Variants in SI observed in about 807,000 individuals in gnomAD.
SI encodes sucrase-isomaltase, intestinal.
SI carries 235 observed loss-of-function variants against 253.3 expected under a neutral mutation model. The observed-to-expected ratio is 0.93, with a 90% CI of 0.83 to 1.03. The LOEUF (loss-of-function observed/expected upper bound fraction) is 1.03. Ranked by LOEUF, SI falls within the 50% of genes least tolerant of loss-of-function variation. The pLI, the probability that SI is intolerant of heterozygous loss-of-function variation, is 0.00. For synonymous variants in SI, 819 were observed against 712.0 expected (o/e 1.15, Z -2.39); for missense variants, 2,442 against 2,211.1 (o/e 1.10, Z -2.09).
rs570349366 is a variant in SI, at chr3:165,001,740, G to A, written c.4407-3067C>T. Reference sequence around the variant, plus strand: ...ATAGAAAGTTACAGCTATAACTAAAGTAACTTCTAAATTAGTGAATGAGGT... The same window carrying A: ...ATAGAAAGTTACAGCTATAACTAAAATAACTTCTAAATTAGTGAATGAGGT... On this transcript the variant is annotated intron_variant, in intron 37 of 47. Transcript: ENST00000264382. 4.6e-4 allele frequency among the ~76,000 whole-genome samples: 70 copies of A among 151,372 alleles called. 1 individual carries two copies. The South Asian group carries it at 4.8e-3, about 10-fold the overall frequency.
At chr3:165,039,766 G>A (rs961665622) in intron 19 of SI, 121 bp downstream of exon 19, 3 of 754,618 alleles carry the variant, frequency 4.0e-6, no homozygotes, top group South Asian at 3.0e-5. Context: ...ATTCCAACTT[G>A]ATGTTTATCA....
rs762319587 is a variant in SI, at chr3:165,046,940, T to C, written c.1788A>G (p.Arg596=). The C allele has an allele frequency of 5.6e-6, 9 of 1,612,738 alleles. No homozygotes were observed. Among genetic ancestry groups the C allele is most frequent in the Non-Finnish European group, 7.6e-6 (9 of 1,179,276 alleles). ...TGTCTCCTAACCAATGCGCAGCATG[T>C]CTTCCAGATCCAGCAAATGTTGAGC... ...LTRSTFAGSG[R]HAAHWLGDNT... is the part of the protein sequence containing the mutation. The change falls in exon 16 of 48, where the codon AGA becomes AGG. Residue 596 remains arginine, a synonymous_variant. Coordinates refer to ENST00000264382, the MANE Select transcript of SI (RefSeq NM_001041.4).
chr3:164,986,232 T>C (rs1291864130), intron 45 of SI, among the ~76,000 whole-genome samples: 2 of 152,188 alleles, frequency 1.3e-5, no homozygotes, highest in East Asian at 3.9e-4. Context: ...CCTGCCCTCC[T>C]GTCTCTTGCT....
At chr3:165,074,367 C>T (rs1714802672) in intron 3 of SI, 164 bp downstream of exon 3, 2 of 395,550 alleles carry the variant, frequency 5.1e-6, no homozygotes, top group East Asian at 4.2e-5. Context: ...AGGTCAGTAA[C>T]TTCTATTATC....
chr3:164,989,385 A>G (rs866356392), intron 44 of SI, among the ~76,000 whole-genome samples: 4 of 77,146 alleles, frequency 5.2e-5, no homozygotes, highest in Non-Finnish European at 1.1e-4. Flanking sequence ...AGAAAGAAAG[A>G]AAGGAAGAAA....
At chr3:165,039,278 G>A (rs1712695873) in intron 19 of SI, 144 bp from the exon 20 acceptor site, 2 of 608,434 alleles carry the variant, frequency 3.3e-6, no homozygotes, top group South Asian at 2.2e-5. Flanking sequence ...TAATCAAAGG[G>A]CTATTTTATT....
At chr3:165,080,260 CT>C (rs1715260359), upstream of SI, among the ~76,000 whole-genome samples, 1 of 151,774 alleles carries the variant, frequency 6.6e-6, no homozygotes, top group South Asian at 2.1e-4. Flanking sequence ...TTATTTCTTC[CT>C]TTAGAAGTGA....
intron 45 of SI, 27 bp from the exon 46 acceptor site, chr3:164,983,078 A>G: frequency 6.5e-7 from 1 of 1,532,718 alleles, no homozygotes; most frequent in South Asian, 1.1e-5. Context: ...AAAATGTGAT[A>G]TATTGTTATT....
chr3:164,997,541 G>A (rs988067893), intron 38 of SI, among the ~76,000 whole-genome samples: 3 of 150,918 alleles, frequency 2.0e-5, no homozygotes, highest in Non-Finnish European at 1.5e-5. Context: ...TATTATTTAG[G>A]TAACTTGCTT....
In SI at chr3:165,046,994, A is replaced by G. The variant is rs757144829; in HGVS notation, c.1734T>C (p.Phe578=). 1 of 1,608,302 alleles carries G rather than the reference A, an allele frequency of 6.2e-7. No homozygotes were observed. Among genetic ancestry groups the G allele is most frequent in the South Asian group, 1.1e-5 (1 of 89,812 alleles). ...IATEQAVQKV[F]PNKRSFILTR... is the part of the protein sequence containing the mutation. ...TAAGAATGAAGCTTCTCTTATTAGG[A>G]AAAACTTTTTGTACAGCTCTAAAAA... Residue 578 remains phenylalanine, a synonymous_variant, in exon 16 of 48, where the codon TTT becomes TTC. Transcript: ENST00000264382.
chr3:165,038,251 A>C (rs897457870), intron 20 of SI, among the ~76,000 whole-genome samples: 1 of 151,838 alleles, frequency 6.6e-6, no homozygotes, highest in Non-Finnish European at 1.5e-5. Context: ...AAAGAGACTC[A>C]TTTTCTTTCT....
intron 28 of SI, among the ~76,000 whole-genome samples, chr3:165,018,616 T>G (rs1451103201): frequency 6.6e-6 from 1 of 151,060 alleles, no homozygotes; most frequent in Non-Finnish European, 1.5e-5. Context: ...TAGTCAGATT[T>G]TATTAGATTA....
chr3:165,000,909 C>T (rs1164339830), intron 37 of SI, among the ~76,000 whole-genome samples: 1 of 151,124 alleles, frequency 6.6e-6, no homozygotes, highest in African/African-American at 2.4e-5. Flanking sequence ...TTATTGCCTA[C>T]AGGAGCATTT....
chr3:165,088,542 G>T, the SI span, among the ~76,000 whole-genome samples: 714 of 151,964 alleles, frequency 4.7e-3, 2 homozygotes, highest in African/African-American at 0.016. Context: ...TCAGGAGGCT[G>T]AGGCAGAAGA....
upstream of SI, among the ~76,000 whole-genome samples, chr3:165,080,187 T>C (rs1190990296): frequency 3.3e-5 from 5 of 151,992 alleles, no homozygotes; most frequent in African/African-American, 9.7e-5. Flanking sequence ...TTCAGATCAA[T>C]TGTTTTCCCT....
intron 37 of SI, among the ~76,000 whole-genome samples, chr3:165,001,096 T>C (rs1559983713): frequency 1.3e-5 from 2 of 151,482 alleles, no homozygotes; most frequent in East Asian, 3.9e-4. Flanking sequence ...ATCTTTATTT[T>C]AGTCATAGTT....
At chr3:165,019,920 G>A in intron 27 of SI, 150 bp from the exon 28 acceptor site, 2 of 733,844 alleles carry the variant, frequency 2.7e-6, no homozygotes, top group Non-Finnish European at 4.7e-6. Flanking sequence ...GGAAATAGAT[G>A]ATTAATCTAA....
intron 37 of SI, among the ~76,000 whole-genome samples, chr3:165,005,688 C>G (rs1424333064): frequency 6.6e-6 from 1 of 152,030 alleles, no homozygotes; most frequent in African/African-American, 2.4e-5. Flanking sequence ...CACATTGTTC[C>G]ATGGCCATAT....
intron 12 of SI, 47 bp downstream of exon 12, chr3:165,058,916 G>C (rs1713838820): frequency 6.7e-7 from 1 of 1,502,406 alleles, no homozygotes; most frequent in Non-Finnish European, 9.2e-7. Context: ...TATTATTTCA[G>C]AGAAGAAAAT....
Sources: allele counts gnomAD v4.1 joint callset (sites outside exome capture counted in the v4.1 genomes callset), GRCh38; gene constraint gnomAD v4.1.1; transcripts MANE v1.5; gene names NCBI Gene and HGNC (gene_info 2026-07-23, HGNC 2026-07-21).